PPFIBP2: variants seen among roughly 807,000 people sequenced by gnomAD.
The protein encoded by PPFIBP2 is PPFIB scaffold protein 2.
In PPFIBP2, 118 loss-of-function variants were observed where a neutral mutation model predicts 118.3. The observed-to-expected ratio is 1.00, with a 90% CI of 0.86 to 1.16. PPFIBP2 has a LOEUF of 1.16. PPFIBP2 is among the 50% of genes most tolerant of loss of function. PPFIBP2 has a pLI of 0.00. For synonymous variants in PPFIBP2, 414 were observed against 397.4 expected (o/e 1.04, Z -0.50); for missense variants, 1,195 against 1,073.1 (o/e 1.11, Z -1.59).
chr11:7,591,776 A>G (rs905436825), intron 3 of PPFIBP2, among the ~76,000 whole-genome samples: 3 of 152,144 alleles, frequency 2.0e-5, no homozygotes, highest in Non-Finnish European at 2.9e-5. Context: ...TCAACAAACA[A>G]TCAATGAATC....
chr11:7,637,447 A>T (rs1192052340), intron 14 of PPFIBP2, among the ~76,000 whole-genome samples: 1 of 152,154 alleles, frequency 6.6e-6, no homozygotes, highest in African/African-American at 2.4e-5. Flanking sequence ...TGAGGTAGGA[A>T]TTGTTATTCT....
chr11:7,621,109 T>A, intron 7 of PPFIBP2, 82 bp downstream of exon 7: 1 of 1,100,098 alleles, frequency 9.1e-7, no homozygotes, highest in Non-Finnish European at 1.4e-6. Context: ...GGGTTTCCAG[T>A]AGCCTAAGTT....
chr11:7,533,924 T>G (rs1339769134), intron 1 of PPFIBP2, among the ~76,000 whole-genome samples: 1 of 152,166 alleles, frequency 6.6e-6, no homozygotes, highest in Admixed American at 6.5e-5. Flanking sequence ...CAGAGGAGCA[T>G]GTCATGAGCT....
intron 4 of PPFIBP2, among the ~76,000 whole-genome samples, chr11:7,595,023 A>G (rs563991882): frequency 6.6e-6 from 1 of 152,094 alleles, no homozygotes; most frequent in African/African-American, 2.4e-5. Flanking sequence ...GTAAAGCAGG[A>G]TGAGGATTGT....
chr11:7,580,005 G>C (rs371479493), intron 3 of PPFIBP2, among the ~76,000 whole-genome samples: 3 of 151,382 alleles, frequency 2.0e-5, no homozygotes, highest in Non-Finnish European at 4.4e-5. Context: ...CCAGTGATGA[G>C]CCCCCCTGGA....
chr11:7,579,077 C>T (rs776945435), intron 3 of PPFIBP2, among the ~76,000 whole-genome samples: 11 of 152,014 alleles, frequency 7.2e-5, no homozygotes, highest in Middle Eastern at 3.2e-3. Flanking sequence ...AAGAAAATTA[C>T]TCTAGCTGTG....
intron 1 of PPFIBP2, among the ~76,000 whole-genome samples, chr11:7,543,123 A>G (rs1418096262): frequency 6.6e-6 from 1 of 152,226 alleles, no homozygotes; most frequent in African/African-American, 2.4e-5. Flanking sequence ...AAATTCCTTC[A>G]TATCTGTCTT....
At chr11:7,663,711 G>T in the PPFIBP2 span, among the ~76,000 whole-genome samples, 7 of 152,358 alleles carry the variant, frequency 4.6e-5, no homozygotes, top group Middle Eastern at 3.4e-3. Context: ...GTTTACCTAA[G>T]CAAGCCTGGG....
At chr11:7,539,220 T>G (rs1368335554) in intron 1 of PPFIBP2, 1 of 152,518 alleles carries the variant, frequency 6.6e-6, no homozygotes, top group Admixed American at 6.5e-5. Context: ...GCCTGGCCCC[T>G]CTGTCCTGCT....
chr11:7,642,268 GA>G, intron 16 of PPFIBP2, 29 bp from the exon 17 acceptor site: 1 of 1,611,976 alleles, frequency 6.2e-7, no homozygotes. Context: ...ACTATTCCAT[GA>G]CCGTCTCCAT....
chr11:7,566,117 G>C (rs145996399), intron 3 of PPFIBP2, among the ~76,000 whole-genome samples: 1 of 151,646 alleles, frequency 6.6e-6, no homozygotes, highest in African/African-American at 2.4e-5. Flanking sequence ...CTCTACCCTC[G>C]GCTAGATCCC....
chr11:7,596,668 G>T (rs4758003), intron 4 of PPFIBP2, among the ~76,000 whole-genome samples: 30,949 of 151,968 alleles, frequency 0.2, 3,223 homozygotes, highest in East Asian at 0.25. Context: ...ATATGTAAAT[G>T]GCAACAACTC....
intron 1 of PPFIBP2, among the ~76,000 whole-genome samples, chr11:7,519,750 C>T (rs747374355): frequency 3.9e-5 from 6 of 152,140 alleles, no homozygotes; most frequent in Non-Finnish European, 7.3e-5. Context: ...ATTCCTGGAA[C>T]GGGATCAAAT....
At chr11:7,568,832 A>C (rs1855308316) in intron 3 of PPFIBP2, 1 of 152,268 alleles carries the variant, frequency 6.6e-6, no homozygotes, top group South Asian at 2.1e-4. Context: ...GAAGTCCTCC[A>C]GATCAATGAA....
chr11:7,535,709 G>C (rs1440879311), intron 1 of PPFIBP2, among the ~76,000 whole-genome samples: 1 of 152,216 alleles, frequency 6.6e-6, no homozygotes, highest in Admixed American at 6.5e-5. Flanking sequence ...GCCAGCTCAT[G>C]CGTTCAGACT....
chr11:7,601,891 C>T (rs535578123), intron 5 of PPFIBP2, among the ~76,000 whole-genome samples: 182 of 151,120 alleles, frequency 1.2e-3, no homozygotes, highest in African/African-American at 1.8e-3. Context: ...GTCAGGAGTT[C>T]GAGAACAGCC....
intron 3 of PPFIBP2, among the ~76,000 whole-genome samples, chr11:7,573,480 G>T (rs1389487007): frequency 6.6e-6 from 1 of 152,212 alleles, no homozygotes; most frequent in Non-Finnish European, 1.5e-5. Flanking sequence ...ACTGGTTTAG[G>T]TATTGGCTGT....
intron 1 of PPFIBP2, among the ~76,000 whole-genome samples, chr11:7,536,051 G>A (rs533745692): frequency 6.6e-6 from 1 of 152,348 alleles, no homozygotes; most frequent in Non-Finnish European, 1.5e-5. Context: ...GCTTTACTCT[G>A]TTAACATTTA....
At chr11:7,564,916 C>A (rs72849612) in intron 2 of PPFIBP2, among the ~76,000 whole-genome samples, 3,181 of 152,280 alleles carry the variant, frequency 0.021, 40 homozygotes, top group Middle Eastern at 0.041. Flanking sequence ...GTCACCAGGC[C>A]AGCCCAGAGT....
Sources: gnomAD v4.1 joint callset for allele counts (sites outside exome capture counted in the v4.1 genomes callset) on GRCh38, gnomAD v4.1.1 for gene constraint, MANE v1.5 for transcripts, NCBI Gene and HGNC (gene_info 2026-07-23, HGNC 2026-07-21) for gene names.